PHACTR3: variants seen among roughly 807,000 people sequenced by gnomAD.
The protein encoded by PHACTR3 is phosphatase and actin regulator 3, also known as protein phosphatase 1, regulatory subunit 123.
In PHACTR3, 16 loss-of-function variants were observed where a neutral mutation model predicts 66.8. The ratio of observed to expected loss-of-function variants is 0.24; its 90% CI spans 0.16 to 0.36. The LOEUF (loss-of-function observed/expected upper bound fraction) is 0.36, where lower values mean the gene tolerates loss of function less well. Among genes scored for constraint, PHACTR3 ranks in the 10% least tolerant of loss-of-function variants. The pLI, the probability that PHACTR3 is intolerant of heterozygous loss-of-function variation, is 1.00. For missense variants in PHACTR3, 647 were observed against 719.9 expected, an observed-to-expected ratio of 0.90 and a Z score of 1.16; for synonymous variants, 323 against 292.1, an observed-to-expected ratio of 1.11 and a Z score of -1.08.
chr20:59,747,942 G>C, intron 3 of PHACTR3, 107 bp downstream of exon 3: 1 of 1,192,746 alleles, frequency 8.4e-7, no homozygotes, highest in East Asian at 2.4e-5. Context: ...AGAATCCAAG[G>C]AGGGCCGTGT....
At chr20:59,831,009 C>G (rs2042354857) in intron 8 of PHACTR3, among the ~76,000 whole-genome samples, 1 of 152,148 alleles carries the variant, frequency 6.6e-6, no homozygotes, top group South Asian at 2.1e-4. Context: ...AGCTCCACCT[C>G]TAGGCCCCTT....
chr20:59,723,092 TTCTTTC>T (rs968065325), intron 1 of PHACTR3, among the ~76,000 whole-genome samples: 6 of 150,668 alleles, frequency 4.0e-5, no homozygotes, highest in African/African-American at 1.5e-4. Flanking sequence ...CTTTCTTTCT[TTCTTTC>T]TTTCTTTCTT....
At chr20:59,618,137 C>T (rs536992497) in intron 1 of PHACTR3, among the ~76,000 whole-genome samples, 10 of 152,252 alleles carry the variant, frequency 6.6e-5, no homozygotes, top group African/African-American at 1.2e-4. Flanking sequence ...TATGCTAGGC[C>T]GAGAGATTGG....
chr20:59,639,364 G>A, intron 1 of PHACTR3, among the ~76,000 whole-genome samples: 1 of 152,042 alleles, frequency 6.6e-6, no homozygotes, highest in East Asian at 1.9e-4. Flanking sequence ...TTTCCCACCT[G>A]TCTGTTCTTT....
chr20:59,785,087 G>T (rs911152561), intron 7 of PHACTR3, among the ~76,000 whole-genome samples: 2 of 152,202 alleles, frequency 1.3e-5, no homozygotes, highest in African/African-American at 4.8e-5. Flanking sequence ...GATGGGGTCT[G>T]CAGGGAGTGT....
chr20:59,645,685 C>CGTGT (rs1239644956), intron 1 of PHACTR3, among the ~76,000 whole-genome samples: 1 of 151,610 alleles, frequency 6.6e-6, no homozygotes, highest in African/African-American at 2.4e-5. Flanking sequence ...GTGTGTGTGG[C>CGTGT]GTGTGTGTGT....
At chr20:59,592,389 T>C (rs2033209740) in intron 1 of PHACTR3, among the ~76,000 whole-genome samples, 1 of 152,110 alleles carries the variant, frequency 6.6e-6, no homozygotes, top group Non-Finnish European at 1.5e-5. Context: ...GCTCCACACA[T>C]TATCAACATC....
At chr20:59,763,340 T>C (rs984677249) in intron 4 of PHACTR3, among the ~76,000 whole-genome samples, 1 of 152,240 alleles carries the variant, frequency 6.6e-6, no homozygotes, top group Non-Finnish European at 1.5e-5. Context: ...CTTTATAAGT[T>C]ACTCAGTCTT....
chr20:59,630,805 G>T (rs1346541423), intron 1 of PHACTR3, among the ~76,000 whole-genome samples: 11 of 152,058 alleles, frequency 7.2e-5, no homozygotes, highest in Non-Finnish European at 1.5e-4. Flanking sequence ...GAAGTGGGGA[G>T]GGGGACATGA....
intron 3 of PHACTR3, among the ~76,000 whole-genome samples, chr20:59,754,943 G>A (rs965335391): frequency 7.9e-5 from 12 of 152,234 alleles, no homozygotes; most frequent in African/African-American, 2.9e-4. Flanking sequence ...GTCGGAGGAA[G>A]AGTGCACACA....
At position 59,736,762 on chromosome 20, in the gene PHACTR3, C is replaced by T. The variant is rs1281541675; in HGVS notation, c.119-6345C>T. On this transcript the variant is annotated intron_variant, in intron 1 of 12. Transcript: ENST00000371015. This position sits in a 1 kb window ranked among gnomAD's most constrained non-coding sequence, Gnocchi z 4.6. ...TGTAAGTAGTTTTCTCTGAGCAGCA[C>T]TATTTTGAAGTTTCTCTTCTTGGGC... is the stretch of plus-strand genomic sequence containing the variant. 6.6e-6 allele frequency among the ~76,000 whole-genome samples: 1 copy of T among 152,182 alleles called. No homozygotes were observed. The highest frequency in any genetic ancestry group is 1.5e-5 in the Non-Finnish European group (1 of 68,026).
intron 4 of PHACTR3, among the ~76,000 whole-genome samples, chr20:59,765,260 TCTTAAACC>T (rs1379528178): frequency 6.6e-6 from 1 of 152,122 alleles, no homozygotes; most frequent in African/African-American, 2.4e-5. Flanking sequence ...AGCATAGGAG[TCTTAAACC>T]CTTTTTAACA....
At position 59,836,526 on chromosome 20, in the gene PHACTR3, C is replaced by T. The variant is rs1416591487; in HGVS notation, c.1350C>T (p.Ala450=). The change falls in exon 9 of 13, where the codon GCC becomes GCT. Residue 450 remains alanine, a synonymous_variant. Transcript: ENST00000371015. ...GCAGACGGCTGAGCCAAAGACCTGC[C>T]GTGGAAGAGCTGGAGAGAAGAAATA... ...KLSKRLSQRP[A]VEELERRNIL... 2.1e-5 allele frequency: 34 copies of T among 1,610,200 alleles called. No homozygotes were observed. The highest frequency in any genetic ancestry group is 6.7e-5 in the East Asian group (3 of 44,642).
intron 7 of PHACTR3, among the ~76,000 whole-genome samples, chr20:59,788,042 G>A (rs370961536): frequency 5.9e-5 from 9 of 152,228 alleles, no homozygotes; most frequent in African/African-American, 2.2e-4. Context: ...AGATCCTTGT[G>A]CACTCATCAC....
At chr20:59,775,456 G>T (rs2426832) in intron 7 of PHACTR3, among the ~76,000 whole-genome samples, 89,585 of 151,968 alleles carry the variant, frequency 0.59, 28,908 homozygotes, top group Non-Finnish European at 0.71. Context: ...GAAGGCATGC[G>T]GTGGGTACTG....
intron 1 of PHACTR3, among the ~76,000 whole-genome samples, chr20:59,713,554 C>T (rs6027056): frequency 0.14 from 21,567 of 152,068 alleles, 4,869 homozygotes; most frequent in African/African-American, 0.48. Flanking sequence ...TTCAACATTA[C>T]ATTTCTAAGA....
At chr20:59,622,378 A>G (rs984879271) in intron 1 of PHACTR3, among the ~76,000 whole-genome samples, 1 of 152,114 alleles carries the variant, frequency 6.6e-6, no homozygotes, top group Non-Finnish European at 1.5e-5. Flanking sequence ...GGGCAATGCT[A>G]GTTCCTACTC....
At chr20:59,768,546 G>A (rs1449657421) in intron 5 of PHACTR3, among the ~76,000 whole-genome samples, 3 of 152,206 alleles carry the variant, frequency 2.0e-5, no homozygotes, top group African/African-American at 7.2e-5. Flanking sequence ...GCCAGGGGCT[G>A]GTGCCCTCCC....
Position 59,604,669 on chromosome 20 carries a change from A to G in PHACTR3, c.-346A>G. The G allele has an allele frequency of 1.0e-6, 1 of 996,020 alleles. No homozygotes were observed. The highest frequency in any genetic ancestry group is 1.2e-6 in the Non-Finnish European group (1 of 837,338). The allele number at this position is 996,020 out of a possible 1,614,324, so 61.7% of individuals were successfully genotyped here. ...TCACCCCCTGCCCCAAGCACGCAAT[A>G]AACACTGACAAGAAAAAGTTTTTAT... On this transcript the variant is annotated 5_prime_UTR_variant, in exon 1 of 13. In the 5' UTR this introduces an upstream ATG that the reference lacks. Coordinates refer to ENST00000371015, the MANE Select transcript of PHACTR3 (RefSeq NM_080672.5).
Sources: gnomAD v4.1 joint callset for allele counts (sites outside exome capture counted in the v4.1 genomes callset) on GRCh38, gnomAD v4.1.1 for gene constraint, Gnocchi (gnomAD v3.1) non-coding constraint, MANE v1.5 for transcripts, NCBI Gene and HGNC (gene_info 2026-07-23, HGNC 2026-07-21) for gene names.